NXPH1: variants seen among roughly 807,000 people sequenced by gnomAD.
The protein encoded by NXPH1 is neurexophilin-1.
NXPH1 carries 5 observed loss-of-function variants against 23.7 expected under a neutral mutation model. The observed-to-expected ratio is 0.21, with a 90% confidence interval of 0.11 to 0.44. The LOEUF (loss-of-function observed/expected upper bound fraction) is 0.44, where lower values mean the gene tolerates loss of function less well. Among genes scored for constraint, NXPH1 ranks in the 20% least tolerant of loss-of-function variants. The pLI, the probability that NXPH1 is intolerant of heterozygous loss-of-function variation, is 0.99. For missense variants in NXPH1, 324 were observed against 321.6 expected, an observed-to-expected ratio of 1.01 and a Z score of -0.06; for synonymous variants, 144 against 122.2, an observed-to-expected ratio of 1.18 and a Z score of -1.18.
intron 2 of NXPH1, among the ~76,000 whole-genome samples, chr7:8,597,763 A>G (rs1209373710): frequency 1.3e-5 from 2 of 151,890 alleles, no homozygotes; most frequent in Non-Finnish European, 2.9e-5. Context: ...ACTTGGCAAC[A>G]TGCCTTACTA....
intron 2 of NXPH1, among the ~76,000 whole-genome samples, chr7:8,444,553 G>T (rs1310729778): frequency 6.6e-6 from 1 of 152,230 alleles, no homozygotes; most frequent in Non-Finnish European, 1.5e-5. Context: ...TTCACACTCA[G>T]AAGTTGCCTG....
intron 2 of NXPH1, among the ~76,000 whole-genome samples, chr7:8,438,000 A>G (rs912347699): frequency 1.3e-5 from 2 of 152,254 alleles, no homozygotes; most frequent in Admixed American, 6.5e-5. Flanking sequence ...CACAAAAACT[A>G]CAGCTGATGG....
At chr7:8,448,448 A>T (rs912571125) in intron 2 of NXPH1, among the ~76,000 whole-genome samples, 44 of 152,342 alleles carry the variant, frequency 2.9e-4, no homozygotes, top group African/African-American at 1.0e-3. Context: ...TGATAGCTAT[A>T]TAGTTGCTCA....
At chr7:8,459,035 T>C (rs1056310343) in intron 2 of NXPH1, among the ~76,000 whole-genome samples, 1 of 152,078 alleles carries the variant, frequency 6.6e-6, no homozygotes, top group Non-Finnish European at 1.5e-5. Context: ...CATAAAGCAT[T>C]CCCCTTACCA....
At chr7:8,722,012 G>A (rs1469349610) in intron 2 of NXPH1, among the ~76,000 whole-genome samples, 1 of 152,120 alleles carries the variant, frequency 6.6e-6, no homozygotes, top group Non-Finnish European at 1.5e-5. Context: ...CCTGTTGAGA[G>A]TTACTGACTT....
intron 2 of NXPH1, among the ~76,000 whole-genome samples, chr7:8,553,816 TAAAAC>T (rs1818313726): frequency 6.6e-6 from 1 of 151,622 alleles, no homozygotes; most frequent in African/African-American, 2.4e-5. Flanking sequence ...TGGATAAAAA[TAAAAC>T]AAACTACAGG....
intron 2 of NXPH1, among the ~76,000 whole-genome samples, chr7:8,673,682 T>C (rs1053137408): frequency 6.6e-6 from 1 of 152,198 alleles, no homozygotes; most frequent in Non-Finnish European, 1.5e-5. Context: ...CATGTATGTA[T>C]GTATGATAAT....
At chr7:8,606,926 G>C (rs1323213992) in intron 2 of NXPH1, among the ~76,000 whole-genome samples, 2 of 152,012 alleles carry the variant, frequency 1.3e-5, no homozygotes, top group Non-Finnish European at 2.9e-5. Context: ...TTTCTACCTT[G>C]AAAAGCAAAC....
intron 2 of NXPH1, among the ~76,000 whole-genome samples, chr7:8,440,659 C>T (rs536340393): frequency 2.6e-5 from 4 of 151,682 alleles, no homozygotes; most frequent in Admixed American, 1.3e-4. Flanking sequence ...TAACCGTCGT[C>T]GACAATATTT....
At chr7:8,699,827 C>G (rs1402600507) in intron 2 of NXPH1, among the ~76,000 whole-genome samples, 1 of 152,064 alleles carries the variant, frequency 6.6e-6, no homozygotes, top group East Asian at 1.9e-4. Context: ...TCTTAATCTT[C>G]ATGTTGCACC....
rs755874621 is a variant in NXPH1 at position 8,628,247 on chromosome 7, C to T, written c.55-122761C>T. 1.1e-4 allele frequency among the ~76,000 whole-genome samples: 16 copies of T among 151,954 alleles called. 1 individual carries two copies. Among genetic ancestry groups the T allele is most frequent in the Middle Eastern group, 3.2e-3 (1 of 314 alleles). ...GAAATGAAAAAGTGCAAAGAAAAAA[C>T]GTCACTAACATGTTACAGAGTTTGA... On this transcript the variant is annotated intron_variant, in intron 2 of 2. Coordinates refer to ENST00000405863, the MANE Select transcript of NXPH1 (RefSeq NM_152745.3).
At chr7:8,628,425 G>A (rs1820044399) in intron 2 of NXPH1, among the ~76,000 whole-genome samples, 1 of 147,804 alleles carries the variant, frequency 6.8e-6, no homozygotes, top group African/African-American at 2.5e-5. Context: ...AAACAAAAAA[G>A]CAAAAACCAA....
chr7:8,731,100 A>G (rs1403164986), intron 2 of NXPH1, among the ~76,000 whole-genome samples: 5 of 151,584 alleles, frequency 3.3e-5, no homozygotes, highest in African/African-American at 7.3e-5. Context: ...TTCATCTTCT[A>G]TCACTGATAC....
At chr7:8,600,437 T>A (rs1276833771) in intron 2 of NXPH1, among the ~76,000 whole-genome samples, 1 of 152,162 alleles carries the variant, frequency 6.6e-6, no homozygotes, top group African/African-American at 2.4e-5. Flanking sequence ...AGTTCCCAGG[T>A]ATCAGATTGC....
At chr7:8,704,760 A>G (rs1054638322) in intron 2 of NXPH1, among the ~76,000 whole-genome samples, 3 of 152,204 alleles carry the variant, frequency 2.0e-5, no homozygotes, top group South Asian at 2.1e-4. Flanking sequence ...TAAAAAAAAA[A>G]AGATAAAATT....
At chr7:8,505,965 G>C (rs188973499) in intron 2 of NXPH1, among the ~76,000 whole-genome samples, 1 of 152,110 alleles carries the variant, frequency 6.6e-6, no homozygotes, top group Non-Finnish European at 1.5e-5. Context: ...TGTCCATATG[G>C]TTCTGATGTA....
chr7:8,735,001 T>G lies in NXPH1; in HGVS notation c.55-16007T>G, dbSNP rs182776550. On this transcript the variant is annotated intron_variant, in intron 2 of 2. Coordinates refer to ENST00000405863, the MANE Select transcript of NXPH1 (RefSeq NM_152745.3). ...TTTGCACATTGATTTTGTATCCTGA[T>G]ACTTTGCTGAAGTTGCTTATCAGCT... Among the ~76,000 whole-genome samples the G allele has an allele frequency of 5.8e-4, 89 of 152,344 alleles. No homozygotes were observed. The Middle Eastern group carries it at 0.02, about 35-fold the overall frequency.
chr7:8,519,173 C>G (rs1417255096), intron 2 of NXPH1, among the ~76,000 whole-genome samples: 3 of 151,922 alleles, frequency 2.0e-5, no homozygotes, highest in Non-Finnish European at 4.4e-5. Flanking sequence ...CAAGAATAGA[C>G]AATATATTTT....
intron 2 of NXPH1, among the ~76,000 whole-genome samples, chr7:8,663,377 C>T (rs1002398341): frequency 3.9e-5 from 6 of 152,040 alleles, no homozygotes; most frequent in African/African-American, 1.4e-4. Flanking sequence ...TCTCACGATC[C>T]ATCTGATTTA....
Sources: allele counts gnomAD v4.1 joint callset (sites outside exome capture counted in the v4.1 genomes callset), GRCh38; gene constraint gnomAD v4.1.1; transcripts MANE v1.5; gene names NCBI Gene and HGNC (gene_info 2026-07-23, HGNC 2026-07-21).